Variants in C8orf34 observed in about 807,000 individuals in gnomAD.
C8orf34 encodes the protein uncharacterized protein C8orf34.
In C8orf34, 65 loss-of-function variants were observed where a neutral mutation model predicts 68.3. That is an observed-to-expected ratio of 0.95 (90% CI 0.78 to 1.17). C8orf34 has a LOEUF of 1.17. C8orf34 is among the 50% of genes most tolerant of loss of function. The pLI is 0.00. For missense variants in C8orf34, 664 were observed against 655.4 expected, an observed-to-expected ratio of 1.01 and a Z score of -0.14; for synonymous variants, 244 against 241.2, an observed-to-expected ratio of 1.01 and a Z score of -0.11.
rs544878661 is a variant in C8orf34, at chr8:68,346,635, A to G, written c.327+15296A>G. 3.9e-5 allele frequency among the ~76,000 whole-genome samples: 6 copies of G among 152,102 alleles called. No individual in the cohort carries two copies. The East Asian group carries it at 1.2e-3, about 29-fold the overall frequency. ...CCCCCATAAATCCTGGCAACCTCTGATCTTTTTACTATCTCCATATTTTTG... is the reference window on the plus strand; with the variant it reads ...CCCCCATAAATCCTGGCAACCTCTGGTCTTTTTACTATCTCCATATTTTTG... On this transcript the variant is annotated intron_variant, in intron 1 of 13. Coordinates refer to ENST00000518698, the MANE Select transcript of C8orf34 (RefSeq NM_052958.4).
At chr8:68,493,982 A>G (rs145501338) in intron 5 of C8orf34, among the ~76,000 whole-genome samples, 36 of 152,346 alleles carry the variant, frequency 2.4e-4, no homozygotes, top group African/African-American at 8.4e-4. Flanking sequence ...GGAATGAACT[A>G]AGATACCATA....
intron 7 of C8orf34, among the ~76,000 whole-genome samples, chr8:68,612,069 G>A (rs1168925045): frequency 6.6e-6 from 1 of 152,018 alleles, no homozygotes; most frequent in East Asian, 1.9e-4. Context: ...CAGGGTATCT[G>A]TGAAATGAAC....
intron 3 of C8orf34, among the ~76,000 whole-genome samples, chr8:68,460,415 G>T (rs1238203151): frequency 6.6e-6 from 1 of 152,222 alleles, no homozygotes; most frequent in Non-Finnish European, 1.5e-5. Context: ...AAATATCCCT[G>T]TCTGACAGCT....
chr8:68,408,979 C>T (rs972246395), intron 1 of C8orf34, among the ~76,000 whole-genome samples: 2 of 151,846 alleles, frequency 1.3e-5, no homozygotes, highest in Non-Finnish European at 2.9e-5. Flanking sequence ...AGTAGAGACG[C>T]GGTTTCACCA....
intron 1 of C8orf34, among the ~76,000 whole-genome samples, chr8:68,332,553 G>A (rs1805671428): frequency 6.6e-6 from 1 of 152,074 alleles, no homozygotes; most frequent in Non-Finnish European, 1.5e-5. Context: ...AAAGACTGAA[G>A]AGAAGCAAGT....
At chr8:68,796,191 G>T (rs1005083492) in intron 12 of C8orf34, among the ~76,000 whole-genome samples, 1 of 152,186 alleles carries the variant, frequency 6.6e-6, no homozygotes, top group East Asian at 1.9e-4. Context: ...TTCTTATTGA[G>T]ATTCAGCCGT....
chr8:68,368,188 G>T (rs936475518), intron 1 of C8orf34, among the ~76,000 whole-genome samples: 1 of 152,120 alleles, frequency 6.6e-6, no homozygotes, highest in Non-Finnish European at 1.5e-5. Context: ...CCGGAAAGTA[G>T]ATTTAATTAT....
intron 3 of C8orf34, among the ~76,000 whole-genome samples, chr8:68,457,438 C>A (rs1586176270): frequency 6.6e-6 from 1 of 152,016 alleles, no homozygotes; most frequent in Admixed American, 6.6e-5. Context: ...TTGGGGAGAA[C>A]TTTCAGATAA....
intron 7 of C8orf34, among the ~76,000 whole-genome samples, chr8:68,586,729 T>C (rs972497711): frequency 1.2e-4 from 18 of 152,106 alleles, no homozygotes; most frequent in African/African-American, 4.1e-4. Flanking sequence ...TGAAAACAAA[T>C]AGCAAGCTTA....
intron 12 of C8orf34, among the ~76,000 whole-genome samples, chr8:68,805,690 C>G (rs1190480174): frequency 6.6e-6 from 1 of 152,066 alleles, no homozygotes; most frequent in Non-Finnish European, 1.5e-5. Flanking sequence ...TTTTTATTCT[C>G]TAACTTTTCA....
chr8:68,330,547 A>T (rs547379577), upstream of C8orf34, among the ~76,000 whole-genome samples: 57 of 152,290 alleles, frequency 3.7e-4, no homozygotes, highest in African/African-American at 1.4e-3. Flanking sequence ...GGCAGGGCAG[A>T]AGGTGCTGAG....
At chr8:68,608,324 G>A (rs1191706153) in intron 7 of C8orf34, among the ~76,000 whole-genome samples, 4 of 151,748 alleles carry the variant, frequency 2.6e-5, no homozygotes, top group African/African-American at 9.7e-5. Flanking sequence ...AGAGACAGAG[G>A]GTAAAAAGAG....
At chr8:68,408,785 T>G (rs191384666) in intron 1 of C8orf34, among the ~76,000 whole-genome samples, 1 of 151,056 alleles carries the variant, frequency 6.6e-6, no homozygotes, top group Admixed American at 6.6e-5. Context: ...TTTTGTTTGT[T>G]TTTTGTTTTG....
At chr8:68,681,089 G>A (rs1820356477) in intron 8 of C8orf34, among the ~76,000 whole-genome samples, 1 of 152,112 alleles carries the variant, frequency 6.6e-6, no homozygotes. Flanking sequence ...CCCGCAGGCA[G>A]TCAGACCTTA....
At chr8:68,563,116 C>T (rs114859438) in intron 7 of C8orf34, among the ~76,000 whole-genome samples, 433 of 152,282 alleles carry the variant, frequency 2.8e-3, no homozygotes, top group African/African-American at 9.3e-3. Context: ...ATATTACTAA[C>T]ACTGTCACAT....
chr8:68,723,281 G>A (rs966243385), intron 10 of C8orf34, among the ~76,000 whole-genome samples: 4 of 152,128 alleles, frequency 2.6e-5, no homozygotes, highest in South Asian at 4.2e-4. Context: ...TAGAAGCTAC[G>A]AGCATGTCCC....
intron 7 of C8orf34, among the ~76,000 whole-genome samples, chr8:68,630,887 C>A (rs960339990): frequency 3.3e-5 from 5 of 151,726 alleles, no homozygotes; most frequent in African/African-American, 1.2e-4. Flanking sequence ...TCAAGTGATC[C>A]TCCCACCTCA....
chr8:68,497,983 C>T (rs866219343), intron 5 of C8orf34, among the ~76,000 whole-genome samples: 14 of 152,172 alleles, frequency 9.2e-5, no homozygotes, highest in Middle Eastern at 3.4e-3. Context: ...CATGCACCAC[C>T]ATGCCCAGCT....
chr8:68,794,007 A>G, intron 12 of C8orf34, among the ~76,000 whole-genome samples: 1 of 152,176 alleles, frequency 6.6e-6, no homozygotes, highest in East Asian at 1.9e-4. Flanking sequence ...TGCTTAATCT[A>G]GTTTCATTTA....
Sources: gnomAD v4.1 joint callset for allele counts (sites outside exome capture counted in the v4.1 genomes callset) on GRCh38, gnomAD v4.1.1 for gene constraint, MANE v1.5 for transcripts, NCBI Gene and HGNC (gene_info 2026-07-23, HGNC 2026-07-21) for gene names.